Variants in MED12L observed in about 807,000 individuals in gnomAD.
MED12L encodes mediator of RNA polymerase II transcription subunit 12-like protein.
In MED12L, 60 loss-of-function variants were observed where a neutral mutation model predicts 281.3. The ratio of observed to expected loss-of-function variants is 0.21; its 90% CI spans 0.17 to 0.26. MED12L has a LOEUF of 0.26. Among genes scored for constraint, MED12L ranks in the 10% least tolerant of loss-of-function variants. MED12L has a pLI of 1.00. For missense variants in MED12L, 2,146 were observed against 2,680.9 expected (o/e 0.80, Z 4.41); for synonymous variants, 974 against 987.2 (o/e 0.99, Z 0.25).
chr3:151,095,143 C>T (rs927764312), intron 2 of MED12L, among the ~76,000 whole-genome samples: 3 of 152,166 alleles, frequency 2.0e-5, no homozygotes, highest in Admixed American at 2.0e-4. Flanking sequence ...GTAAACTTAA[C>T]TTTTTAATCA....
chr3:151,127,573 CACA>C (rs1002214481), intron 4 of MED12L, among the ~76,000 whole-genome samples: 33 of 152,244 alleles, frequency 2.2e-4, no homozygotes, highest in African/African-American at 7.7e-4. Context: ...AAATGGAAAG[CACA>C]ACTAGTGAAA....
At chr3:151,195,933 G>C (rs1387447798) in intron 16 of MED12L, among the ~76,000 whole-genome samples, 2 of 152,168 alleles carry the variant, frequency 1.3e-5, no homozygotes, top group Non-Finnish European at 2.9e-5. Context: ...ATTAAGCAAA[G>C]ATGGCAAAAT....
Position 151,302,674 on chromosome 3 carries a change from T to G in MED12L, c.2251-47385T>G, listed in dbSNP as rs555469548. On this transcript the variant is annotated intron_variant, in intron 16 of 44. Coordinates refer to ENST00000687756, the MANE Select transcript of MED12L (RefSeq NM_001393769.1). ...ATGCCTGAGTTTAATTCCCTACTTT[T>G]CTTCATACCCATTCCTGCCCTGTGA... is the stretch of plus-strand genomic sequence containing the variant. Among the ~76,000 whole-genome samples the G allele has an allele frequency of 1.5e-4, 23 of 152,272 alleles. No homozygotes were observed. The South Asian group carries it at 4.8e-3, about 32-fold the overall frequency.
intron 8 of MED12L, among the ~76,000 whole-genome samples, chr3:151,162,523 C>T (rs1182166707): frequency 4.6e-5 from 7 of 151,968 alleles, no homozygotes; most frequent in African/African-American, 1.2e-4. Flanking sequence ...CTCAAGTGAT[C>T]CTCCTGCCTC....
At chr3:151,309,792 A>G (rs1239020005) in intron 16 of MED12L, among the ~76,000 whole-genome samples, 1 of 152,240 alleles carries the variant, frequency 6.6e-6, no homozygotes, top group East Asian at 1.9e-4. Context: ...ACAGAGTCAG[A>G]GTTCAAAAAC....
chr3:151,293,616 CA>C lies in MED12L; in HGVS notation c.2251-56442del, dbSNP rs1188974333. Among the ~76,000 whole-genome samples the C allele has an allele frequency of 1.9e-4, 15 of 78,718 alleles. 1 individual carries two copies. In the South Asian group the frequency reaches 5.5e-3, roughly 29 times the overall value. The allele number at this position is 78,718 out of a possible 152,430, so 51.6% of individuals were successfully genotyped here. ...ACACACACACACACACACACACACA[CA>C]CGGTCCTAAAATGAAGCCCTTACAC... is the stretch of plus-strand genomic sequence containing the variant. On this transcript the variant is annotated intron_variant, in intron 16 of 44. Transcript: ENST00000687756.
At chr3:151,281,109 C>T (rs1459628995) in intron 16 of MED12L, among the ~76,000 whole-genome samples, 2 of 151,652 alleles carry the variant, frequency 1.3e-5, no homozygotes, top group Non-Finnish European at 2.9e-5. Flanking sequence ...ATATTTTAAA[C>T]TAGGCACGGT....
chr3:151,294,638 C>T, intron 16 of MED12L: 9 of 1,614,140 alleles, frequency 5.6e-6, no homozygotes, highest in Non-Finnish European at 7.6e-6. Context: ...TGCCGTATGC[C>T]ATTTGACCCC....
At chr3:151,200,454 C>T (rs1426766241) in intron 16 of MED12L, among the ~76,000 whole-genome samples, 2 of 152,136 alleles carry the variant, frequency 1.3e-5, no homozygotes, top group Non-Finnish European at 2.9e-5. Flanking sequence ...ATAATACAAC[C>T]TTTTTAAAAG....
intron 42 of MED12L, among the ~76,000 whole-genome samples, chr3:151,415,894 T>G (rs1717480056): frequency 6.6e-6 from 1 of 152,188 alleles, no homozygotes; most frequent in African/African-American, 2.4e-5. Flanking sequence ...AAAAAAACCT[T>G]TAAGAATTCT....
chr3:151,328,867 A>G lies in MED12L; in HGVS notation c.2251-21192A>G, dbSNP rs764774867. On this transcript the variant is annotated intron_variant, in intron 16 of 44. Coordinates refer to ENST00000687756, the MANE Select transcript of MED12L (RefSeq NM_001393769.1). ...TGTGAACAAACACCCACAGAGCCAA[A>G]GTATTCAGCAGGATGCCGGTCAAGA... is the stretch of plus-strand genomic sequence containing the variant. The G allele has an allele frequency of 6.2e-6, 10 of 1,614,072 alleles. No individual in the cohort carries two copies. The South Asian group carries it at 9.9e-5, about 16-fold the overall frequency.
chr3:151,163,504 C>CTT (rs753868913), intron 8 of MED12L, among the ~76,000 whole-genome samples: 4 of 149,652 alleles, frequency 2.7e-5, no homozygotes, highest in African/African-American at 7.4e-5. Flanking sequence ...TTTTTAAATA[C>CTT]TTCTTTTTTT....
chr3:151,185,695 G>A (rs1353683995), intron 12 of MED12L, among the ~76,000 whole-genome samples: 1 of 152,024 alleles, frequency 6.6e-6, no homozygotes, highest in East Asian at 1.9e-4. Flanking sequence ...ACTTTAGGCT[G>A]GGCACAATGG....
chr3:151,317,419 T>C (rs935823074), intron 16 of MED12L, among the ~76,000 whole-genome samples: 2 of 148,064 alleles, frequency 1.4e-5, no homozygotes, highest in African/African-American at 2.5e-5. Flanking sequence ...CAATGACAAA[T>C]TTATATAATC....
At chr3:151,375,864 T>G (rs1756786819) in intron 27 of MED12L, among the ~76,000 whole-genome samples, 162 bp from the exon 28 acceptor site, 1 of 152,126 alleles carries the variant, frequency 6.6e-6, no homozygotes, top group Non-Finnish European at 1.5e-5. Flanking sequence ...TGCTAAAAAT[T>G]TTGTTTTTTA....
intron 17 of MED12L, among the ~76,000 whole-genome samples, chr3:151,354,140 CAAAAAAAAAA>C (rs63033360): frequency 4.8e-5 from 3 of 62,846 alleles, no homozygotes; most frequent in South Asian, 7.5e-4. Context: ...GACTCCGTCT[CAAAAAAAAAA>C]AAAAAAAAAA....
At chr3:151,242,010 A>C (rs1252477258) in intron 16 of MED12L, 1 of 152,508 alleles carries the variant, frequency 6.6e-6, no homozygotes, top group Non-Finnish European at 1.5e-5. Context: ...GAAAGGGGTG[A>C]CGGACGGCAC....
At chr3:151,374,150 A>G (rs150923971) in intron 27 of MED12L, among the ~76,000 whole-genome samples, 15 of 152,308 alleles carry the variant, frequency 9.8e-5, no homozygotes, top group South Asian at 2.1e-4. Context: ...GTTTAATTCT[A>G]TGATACATCT....
chr3:151,290,121 G>C (rs1358577055), intron 16 of MED12L, among the ~76,000 whole-genome samples: 1 of 152,020 alleles, frequency 6.6e-6, no homozygotes, highest in Admixed American at 6.6e-5. Context: ...TTGAACTCCT[G>C]ACCTTGTGAT....
Sources: gnomAD v4.1 joint callset for allele counts (sites outside exome capture counted in the v4.1 genomes callset) on GRCh38, gnomAD v4.1.1 for gene constraint, MANE v1.5 for transcripts, NCBI Gene and HGNC (gene_info 2026-07-23, HGNC 2026-07-21) for gene names.